LTF: variants seen among roughly 807,000 people sequenced by gnomAD.
LTF encodes epididymis luminal protein 110.
Under a neutral mutation model 87.2 loss-of-function variants are expected in LTF, and 91 were observed. That is an observed-to-expected ratio of 1.04 (90% CI 0.88 to 1.24). The LOEUF (loss-of-function observed/expected upper bound fraction) is 1.24. Among genes scored for constraint, LTF ranks in the 50% most tolerant of loss-of-function variants. LTF has a pLI of 0.00. For synonymous variants in LTF, 378 were observed against 356.1 expected (o/e 1.06, Z -0.69); for missense variants, 901 against 904.3 (o/e 1.00, Z 0.05).
At chr3:46,457,997 G>T (rs1702981819) in intron 2 of LTF, among the ~76,000 whole-genome samples, 1 of 151,728 alleles carries the variant, frequency 6.6e-6, no homozygotes, top group Admixed American at 6.6e-5. Flanking sequence ...TCTTAGCCAG[G>T]ATGGTCTTGA....
Position 46,446,358 on chromosome 3 carries a change from G to A in LTF, c.1357+82C>T, listed in dbSNP as rs1702653986. On this transcript the variant is annotated intron_variant, in intron 11 of 16. Coordinates refer to ENST00000231751, the MANE Select transcript of LTF (RefSeq NM_002343.6). ...AGCTTCTAGGGCTGCAATTCTTTCT[G>A]TTTTTTTTACAGTTCCTGCCACTTC... 3 of 1,183,474 alleles carry A rather than the reference G, an allele frequency of 2.5e-6. No individual in the cohort carries two copies. In the African/African-American group the frequency reaches 4.6e-5, roughly 18 times the overall value. 73.3% of individuals were successfully genotyped at this position (1,183,474 alleles called of 1,614,324 possible). A position where few individuals can be genotyped will look rare whatever the true frequency, so the allele number is the denominator to read the frequency against.
chr3:46,444,191 G>T (rs1702591441), intron 12 of LTF, among the ~76,000 whole-genome samples: 1 of 152,156 alleles, frequency 6.6e-6, no homozygotes, highest in Admixed American at 6.5e-5. Context: ...ACTTAGAGAT[G>T]CAATGTGGGC....
At chr3:46,454,264 T>C in intron 6 of LTF, 41 bp downstream of exon 6, 1 of 1,583,754 alleles carries the variant, frequency 6.3e-7, no homozygotes, top group Non-Finnish European at 8.7e-7. Context: ...TCAAGTAAGA[T>C]AAAAGGGGTC....
At chr3:46,465,613 T>G (rs1211242550), upstream of LTF, among the ~76,000 whole-genome samples, 1 of 139,656 alleles carries the variant, frequency 7.2e-6, no homozygotes, top group Non-Finnish European at 1.6e-5. Context: ...TTTTTTTTTT[T>G]GTCTTTTTTT....
At chr3:46,437,434 T>G (rs1270542516) in intron 16 of LTF, among the ~76,000 whole-genome samples, 1 of 135,168 alleles carries the variant, frequency 7.4e-6, no homozygotes, top group African/African-American at 3.1e-5. Context: ...AATCCTCCTA[T>G]TTCAGCCTCT....
In LTF at chr3:46,436,004, A is replaced by T; in HGVS notation, c.*191T>A. ...TTCTAGAAAAGATGAGTGACACTTT[A>T]TAAGGAGAGAATATCAACAAAATTT... On this transcript the variant is annotated 3_prime_UTR_variant, in exon 17 of 17. Coordinates refer to ENST00000231751, the MANE Select transcript of LTF (RefSeq NM_002343.6). 1 of 606,708 alleles carries T rather than the reference A, an allele frequency of 1.6e-6. No homozygotes were observed. The highest frequency in any genetic ancestry group is 2.9e-6 in the Non-Finnish European group (1 of 339,430). The allele number at this position is 606,708 out of a possible 1,614,324, so 37.6% of individuals were successfully genotyped here.
chr3:46,445,109 A>T (rs1282666036), intron 12 of LTF, among the ~76,000 whole-genome samples, 172 bp downstream of exon 12: 1 of 152,142 alleles, frequency 6.6e-6, no homozygotes, highest in Non-Finnish European at 1.5e-5. Context: ...GGAAACCCCC[A>T]GTGCACCCAC....
intron 14 of LTF, among the ~76,000 whole-genome samples, chr3:46,440,999 T>G (rs1193551029): frequency 6.6e-6 from 1 of 152,204 alleles, no homozygotes; most frequent in East Asian, 1.9e-4. Context: ...CTCTACTTCC[T>G]TTTTCATAAA....
chr3:46,460,281 T>C (rs1306374394), intron 1 of LTF, among the ~76,000 whole-genome samples: 1 of 152,140 alleles, frequency 6.6e-6, no homozygotes, highest in East Asian at 1.9e-4. Context: ...AGAATCCACG[T>C]CTCTCTAGAT....
rs1376070990 is a variant in LTF, at chr3:46,482,698, AGG to A, written c.-320+2286_-320+2287del. Reference sequence around the variant, plus strand: ...AAGGAAGGAAGGAAGGAAGGAAGGAAGGAAGGAAAGAAAGAAAGAGAAAGAAA... The same window carrying A: ...AAGGAAGGAAGGAAGGAAGGAAGGAAAAGGAAAGAAAGAAAGAGAAAGAAA... On this transcript the variant is annotated intron_variant, in intron 1 of 19. Coordinates refer to the LTF transcript ENST00000443496. 3.5e-3 allele frequency among the ~76,000 whole-genome samples: 447 copies of A among 126,578 alleles called. 19 individuals are homozygous for A. Among genetic ancestry groups the A allele is most frequent in the African/African-American group, 0.013 (421 of 31,588 alleles). 83.0% of individuals were successfully genotyped at this position (126,578 alleles called of 152,430 possible). A position where few individuals can be genotyped will look rare whatever the true frequency, so the allele number is the denominator to read the frequency against.
At chr3:46,463,772 G>T in intron 1 of LTF, 1 of 360,978 alleles carries the variant, frequency 2.8e-6, no homozygotes, top group Non-Finnish European at 3.9e-6. Context: ...CAGGGAGCTT[G>T]AGGGGAAGAG....
chr3:46,472,527 TGAGAGAGA>T (rs374266932), intron 1 of LTF, among the ~76,000 whole-genome samples: 3 of 130,728 alleles, frequency 2.3e-5, no homozygotes, highest in Non-Finnish European at 4.9e-5. Flanking sequence ...TGTGTGTGTG[TGAGAGAGA>T]GAGAGAGAGA....
chr3:46,456,910 G>A (rs988674676), intron 2 of LTF, among the ~76,000 whole-genome samples: 6 of 152,166 alleles, frequency 3.9e-5, no homozygotes, highest in African/African-American at 1.4e-4. Flanking sequence ...CAGTTTCAGG[G>A]AATGTAATTT....
chr3:46,439,844 G>A (rs1702474237), intron 14 of LTF, among the ~76,000 whole-genome samples: 1 of 152,148 alleles, frequency 6.6e-6, no homozygotes, highest in African/African-American at 2.4e-5. Flanking sequence ...TGGAGGCCAA[G>A]GTGGGAGAAT....
In LTF at chr3:46,436,076, T is replaced by C; in HGVS notation, c.*119A>G. Reference sequence around the variant, plus strand: ...ACGACAGCAGGGAATTGTAAGCAGATGGATGGGCAATCCCCACCTTCAGCA... The same window carrying C: ...ACGACAGCAGGGAATTGTAAGCAGACGGATGGGCAATCCCCACCTTCAGCA... On this transcript the variant is annotated 3_prime_UTR_variant, in exon 17 of 17. Coordinates refer to ENST00000231751, the MANE Select transcript of LTF (RefSeq NM_002343.6). 1 of 917,726 alleles carries C rather than the reference T, an allele frequency of 1.1e-6. No homozygotes were observed. Among genetic ancestry groups the C allele is most frequent in the South Asian group, 1.4e-5 (1 of 72,388 alleles). The allele number at this position is 917,726 out of a possible 1,614,324, so 56.8% of individuals were successfully genotyped here.
rs1331726126 is a variant in LTF at position 46,449,067 on chromosome 3, T to C, written c.1058-50A>G. 3 of 1,549,196 alleles carry C rather than the reference T, an allele frequency of 1.9e-6. No individual in the cohort carries two copies. In the South Asian group the frequency reaches 3.6e-5, roughly 18 times the overall value. On this transcript the variant is annotated intron_variant, in intron 8 of 16. Coordinates refer to ENST00000231751, the MANE Select transcript of LTF (RefSeq NM_002343.6). ...GCTGGGCAACCTGAGCTTTGCCAGG[T>C]TGTCCAACCTCCCCAGAGCCAGGGT...
At chr3:46,483,786 A>G (rs771336529) in intron 1 of LTF, among the ~76,000 whole-genome samples, 7 of 152,190 alleles carry the variant, frequency 4.6e-5, no homozygotes, top group Non-Finnish European at 1.0e-4. Flanking sequence ...AGGTGTCAGT[A>G]TAAAGTTTAT....
upstream of LTF, chr3:46,468,289 G>C: frequency 4.4e-6 from 2 of 456,772 alleles, no homozygotes; most frequent in South Asian, 3.1e-5. Flanking sequence ...CATCTCCAAC[G>C]TGCCAGGAGT....
At chr3:46,442,773 G>A (rs534434598) in intron 13 of LTF, among the ~76,000 whole-genome samples, 2 of 152,262 alleles carry the variant, frequency 1.3e-5, no homozygotes, top group Admixed American at 1.3e-4. Context: ...ATCTGGTCGT[G>A]AAATGTACTC....
Sources: gnomAD v4.1 joint callset for allele counts (sites outside exome capture counted in the v4.1 genomes callset) on GRCh38, gnomAD v4.1.1 for gene constraint, MANE v1.5 for transcripts, NCBI Gene and HGNC (gene_info 2026-07-23, HGNC 2026-07-21) for gene names.